MLANA: variants seen among roughly 807,000 people sequenced by gnomAD.
The protein encoded by MLANA is melanoma antigen recognized by T-cells 1.
Under a neutral mutation model 15.7 loss-of-function variants are expected in MLANA, and 21 were observed. The ratio of observed to expected loss-of-function variants is 1.33; its 90% CI spans 0.95 to 1.92. The LOEUF is 1.92. Ranked by LOEUF, MLANA falls within the 40% of genes most tolerant of loss-of-function variation. The probability of loss-of-function intolerance (pLI) is 0.00; values close to 1 mark genes in which losing one functional copy is unlikely to be tolerated. For missense variants in MLANA, 164 were observed against 143.8 expected (o/e 1.14, Z -0.72); for synonymous variants, 56 against 51.5 (o/e 1.09, Z -0.37).
rs148442979 is a variant in MLANA at position 5,901,772 on chromosome 9, T to G, written c.174+4119T>G. On this transcript the variant is annotated intron_variant, in intron 3 of 4. Coordinates refer to ENST00000381477, the MANE Select transcript of MLANA (RefSeq NM_005511.2). The stretch of plus-strand genomic sequence containing the variant: ...CCTGAGCACAAGCAATCCACCTGCC[T>G]CAGCCTCCCAAAGTGCTGGGATTAC... Among the ~76,000 whole-genome samples the G allele has an allele frequency of 1.4e-3, 208 of 151,866 alleles. 1 individual carries two copies. The highest frequency in any genetic ancestry group is 4.5e-3 in the African/African-American group (188 of 41,418).
In MLANA at chr9:5,894,167, G is replaced by T. The variant is rs1235928036; in HGVS notation, c.77+1616G>T. ...AGTGTGAAGCTGGAGGCTGATGCTA[G>T]TCAGCTCAGTAGGCCGAAAGTGGAG... On this transcript the variant is annotated intron_variant, in intron 2 of 4. Coordinates refer to ENST00000381477, the MANE Select transcript of MLANA (RefSeq NM_005511.2). This position sits in a 1 kb window ranked among gnomAD's most constrained non-coding sequence, Gnocchi z 4.0. Among the ~76,000 whole-genome samples the T allele has an allele frequency of 6.6e-6, 1 of 152,124 alleles. No individual in the cohort carries two copies. Among genetic ancestry groups the T allele is most frequent in the Non-Finnish European group, 1.5e-5 (1 of 68,020 alleles).
rs1441990000 is a variant in MLANA, at chr9:5,907,060, C to A, written c.288+62C>A. The A allele has an allele frequency of 5.7e-6, 6 of 1,054,966 alleles. No homozygotes were observed. The Admixed American group carries it at 1.1e-4, about 19-fold the overall frequency. 65.4% of individuals were successfully genotyped at this position (1,054,966 alleles called of 1,614,324 possible). ...TGGCTGTTTTTAACTCAAGTGAATA[C>A]AATTATTTCCATTTAAAAAGCAAGG... On this transcript the variant is annotated intron_variant, in intron 4 of 4. Transcript: ENST00000381477.
At chr9:5,905,020 G>A (rs533081388) in intron 3 of MLANA, among the ~76,000 whole-genome samples, 5 of 151,760 alleles carry the variant, frequency 3.3e-5, no homozygotes, top group African/African-American at 1.2e-4. Context: ...TGATCCACAC[G>A]CCTTGACCTC....
intron 4 of MLANA, 119 bp downstream of exon 4, chr9:5,907,117 A>G (rs146884577): frequency 5.5e-6 from 3 of 540,648 alleles, no homozygotes; most frequent in Admixed American, 8.4e-5. Context: ...CCACTGAACT[A>G]TATACACCTA....
chr9:5,896,309 G>A (rs1449415312), intron 2 of MLANA, among the ~76,000 whole-genome samples: 1 of 152,222 alleles, frequency 6.6e-6, no homozygotes, highest in Non-Finnish European at 1.5e-5. Context: ...TCAATGAATG[G>A]TAGTCACTAT....
rs1832973963 is a variant in MLANA, at chr9:5,908,695, C to G, written c.344C>G (p.Pro115Arg). The G allele has an allele frequency of 6.2e-7, 1 of 1,613,884 alleles. No individual in the cohort carries two copies. Among genetic ancestry groups the G allele is most frequent in the African/African-American group, 1.3e-5 (1 of 74,908 alleles). ...CTCTCTGCAGAACAGTCACCACCAC[C>G]TTATTCACCTTAAGAGCCAGCGAGA... The part of the protein sequence containing the change: ...EKLSAEQSPP[P>R]YSP Residue 115 changes from proline to arginine, a missense_variant, in exon 5 of 5, where the codon CCT becomes CGT. Transcript: ENST00000381477.
Position 5,908,993 on chromosome 9 carries a change from G to A in MLANA, c.*285G>A, listed in dbSNP as rs1258725691. The A allele has an allele frequency of 2.6e-6, 1 of 378,724 alleles. No homozygotes were observed. Among genetic ancestry groups the A allele is most frequent in the East Asian group, 5.3e-5 (1 of 18,962 alleles). 23.5% of individuals were successfully genotyped at this position (378,724 alleles called of 1,614,324 possible). On this transcript the variant is annotated 3_prime_UTR_variant, in exon 5 of 5. Coordinates refer to ENST00000381477, the MANE Select transcript of MLANA (RefSeq NM_005511.2). ...GTAAATCCATGGTGTTATTTTCTGAGAGACAGAATTCAAGTGGGTATTCTG... is the reference window on the plus strand; with the variant it reads ...GTAAATCCATGGTGTTATTTTCTGAAAGACAGAATTCAAGTGGGTATTCTG...
intron 3 of MLANA, among the ~76,000 whole-genome samples, chr9:5,906,338 A>AAAAG (rs1554639852): frequency 8.0e-5 from 12 of 150,144 alleles, no homozygotes; most frequent in East Asian, 5.8e-4. Context: ...TCAAAAAAAA[A>AAAAG]AAAAGAAAAG....
At chr9:5,906,338 A>AAAG (rs1397772153) in intron 3 of MLANA, among the ~76,000 whole-genome samples, 1 of 150,030 alleles carries the variant, frequency 6.7e-6, no homozygotes, top group Admixed American at 6.6e-5. Flanking sequence ...TCAAAAAAAA[A>AAAG]AAAAGAAAAG....
chr9:5,900,435 A>G (rs138334772), intron 3 of MLANA, among the ~76,000 whole-genome samples: 45 of 152,304 alleles, frequency 3.0e-4, no homozygotes, highest in African/African-American at 1.1e-3. Context: ...GTCAGTTTGG[A>G]GATCAGCAGT....
At chr9:5,897,398 G>C (rs951094702) in intron 2 of MLANA, among the ~76,000 whole-genome samples, 159 bp from the exon 3 acceptor site, 3 of 152,224 alleles carry the variant, frequency 2.0e-5, no homozygotes, top group African/African-American at 7.2e-5. Context: ...TGGAGGCCTG[G>C]TGGGGTGCCC....
At chr9:5,891,341 A>G (rs545563355) in intron 1 of MLANA, 6 of 152,350 alleles carry the variant, frequency 3.9e-5, no homozygotes, top group African/African-American at 1.2e-4. Context: ...AAGAATTAAG[A>G]TTCCATTCTG....
At chr9:5,901,574 A>C (rs542126558) in intron 3 of MLANA, among the ~76,000 whole-genome samples, 1 of 152,074 alleles carries the variant, frequency 6.6e-6, no homozygotes, top group East Asian at 1.9e-4. Context: ...GCTGGAGTGC[A>C]GTGGCTCAAT....
In MLANA at chr9:5,910,359, C is replaced by A. The variant is rs77017769; in HGVS notation, c.*1651C>A. On this transcript the variant is annotated 3_prime_UTR_variant, in exon 5 of 5. Coordinates refer to ENST00000381477, the MANE Select transcript of MLANA (RefSeq NM_005511.2). ...GGATAAAGAGATGTATTACACACAT[C>A]GAAAAAAACAACATTTAACAAAATA... 2.0e-5 allele frequency: 3 copies of A among 152,146 alleles called. No individual in the cohort carries two copies. The highest frequency in any genetic ancestry group is 2.9e-5 in the Non-Finnish European group (2 of 67,994). The allele number at this position is 152,146 out of a possible 1,614,324, so 9.4% of individuals were successfully genotyped here.
chr9:5,893,637 T>C (rs1294075979), intron 2 of MLANA, among the ~76,000 whole-genome samples: 1 of 152,174 alleles, frequency 6.6e-6, no homozygotes, highest in Non-Finnish European at 1.5e-5. Flanking sequence ...GTGCTATTAG[T>C]TAGGGTATCG....
At position 5,908,499 on chromosome 9, in the gene MLANA, C is replaced by T. The variant is rs1399589121; in HGVS notation, c.289-141C>T. The T allele has an allele frequency of 6.8e-6, 5 of 734,446 alleles. No individual in the cohort carries two copies. The African/African-American group carries it at 7.1e-5, about 10-fold the overall frequency. 45.5% of individuals were successfully genotyped at this position (734,446 alleles called of 1,614,324 possible). ...CTTGTGAAATTTAACAATTACTTCA[C>T]TGGGCAGAAATTATATGGGAACACT... On this transcript the variant is annotated intron_variant, in intron 4 of 4. Transcript: ENST00000381477.
intron 4 of MLANA, among the ~76,000 whole-genome samples, chr9:5,907,440 C>T (rs1832887605): frequency 6.6e-6 from 1 of 152,112 alleles, no homozygotes; most frequent in Non-Finnish European, 1.5e-5. Context: ...TCACATGGTG[C>T]TATTGAACAC....
chr9:5,897,753 A>G (rs1017037905), intron 3 of MLANA, 100 bp downstream of exon 3: 1 of 1,044,822 alleles, frequency 9.6e-7, no homozygotes, highest in African/African-American at 1.6e-5. Context: ...GCCTCATTAT[A>G]ACCTTCAGCT....
intron 2 of MLANA, among the ~76,000 whole-genome samples, chr9:5,897,161 G>A (rs1832083071): frequency 6.6e-6 from 1 of 152,228 alleles, no homozygotes. Context: ...ATGAGTCAGT[G>A]TTAATTTCTA....
Sources: gnomAD v4.1 joint callset for allele counts (sites outside exome capture counted in the v4.1 genomes callset) on GRCh38, gnomAD v4.1.1 for gene constraint, Gnocchi (gnomAD v3.1) non-coding constraint, MANE v1.5 for transcripts, NCBI Gene and HGNC (gene_info 2026-07-23, HGNC 2026-07-21) for gene names.